TNR: variants seen among roughly 807,000 people sequenced by gnomAD.
TNR encodes tenascin-R.
Under a neutral mutation model 150.4 loss-of-function variants are expected in TNR, and 45 were observed. The observed-to-expected ratio is 0.30, with a 90% confidence interval of 0.24 to 0.38. The LOEUF is 0.38. Ranked by LOEUF, TNR falls within the 10% of genes least tolerant of loss-of-function variation. The pLI, the probability that TNR is intolerant of heterozygous loss-of-function variation, is 1.00. For synonymous variants in TNR, 687 were observed against 678.4 expected (o/e 1.01, Z -0.20); for missense variants, 1,544 against 1,759.1 (o/e 0.88, Z 2.19).
At chr1:175,390,916 A>G (rs1420466240) in intron 7 of TNR, among the ~76,000 whole-genome samples, 1 of 152,262 alleles carries the variant, frequency 6.6e-6, no homozygotes, top group Admixed American at 6.5e-5. Flanking sequence ...GGGAAGGTTC[A>G]GATGACTTTC....
intron 2 of TNR, among the ~76,000 whole-genome samples, chr1:175,443,343 T>C (rs1213442905): frequency 6.6e-6 from 1 of 152,206 alleles, no homozygotes; most frequent in Non-Finnish European, 1.5e-5. Flanking sequence ...AATGTCACTC[T>C]TACCTTGCAC....
chr1:175,339,405 T>C (rs1650407622), intron 18 of TNR, among the ~76,000 whole-genome samples: 1 of 152,212 alleles, frequency 6.6e-6, no homozygotes, highest in Non-Finnish European at 1.5e-5. Context: ...GCAGAAAAGC[T>C]AACTGTCATC....
chr1:175,715,333 ATG>A (rs1251558780), intron 1 of TNR, among the ~76,000 whole-genome samples: 1 of 152,144 alleles, frequency 6.6e-6, no homozygotes, highest in Non-Finnish European at 1.5e-5. Context: ...AAATGCTAAA[ATG>A]TTATTTTCCA....
chr1:175,699,327 A>G (rs1330132079), intron 1 of TNR, among the ~76,000 whole-genome samples: 1 of 152,210 alleles, frequency 6.6e-6, no homozygotes, highest in Non-Finnish European at 1.5e-5. Flanking sequence ...CAGGAAAGAT[A>G]GTGTGGCATT....
intron 2 of TNR, among the ~76,000 whole-genome samples, chr1:175,491,713 G>A (rs928300690): frequency 3.8e-5 from 5 of 133,320 alleles, no homozygotes; most frequent in African/African-American, 1.2e-4. Context: ...GCAGTGGCGT[G>A]ATCTCCGCTC....
chr1:175,513,205 C>T (rs534729817), intron 2 of TNR, among the ~76,000 whole-genome samples: 1 of 152,248 alleles, frequency 6.6e-6, no homozygotes, highest in Admixed American at 6.5e-5. Context: ...TCTCTGTCTT[C>T]CCCACTACAC....
intron 21 of TNR, among the ~76,000 whole-genome samples, chr1:175,327,880 G>T (rs538148770): frequency 6.6e-6 from 1 of 152,328 alleles, no homozygotes; most frequent in East Asian, 1.9e-4. Flanking sequence ...GGCCGAGGCA[G>T]GTGGATCACC....
chr1:175,524,420 T>C (rs553799911), intron 2 of TNR, among the ~76,000 whole-genome samples: 4 of 151,786 alleles, frequency 2.6e-5, no homozygotes, highest in East Asian at 2.0e-4. Flanking sequence ...GGAAAGCTTT[T>C]TGTTTGTTTG....
At chr1:175,325,764 A>T (rs1279859593) in intron 21 of TNR, among the ~76,000 whole-genome samples, 1 of 152,086 alleles carries the variant, frequency 6.6e-6, no homozygotes, top group African/African-American at 2.4e-5. Flanking sequence ...AAACTATCTC[A>T]AGGACAGAAA....
chr1:175,654,719 CTTTTTTTTTTTTTT>C lies in TNR; in HGVS notation c.-165+88493_-165+88506del, dbSNP rs36087120. On this transcript the variant is annotated intron_variant, in intron 1 of 22. Coordinates refer to ENST00000367674, the MANE Select transcript of TNR (RefSeq NM_003285.3). ...CACTATCTCCAACAAAAGTTCCCTT[CTTTTTTTTTTTTTT>C]TTTTTTTTTTGGAGACGGAGTCTCG... 5.4e-5 allele frequency among the ~76,000 whole-genome samples: 4 copies of C among 74,744 alleles called. No homozygotes were observed. In the East Asian group the frequency reaches 1.5e-3, roughly 28 times the overall value. 49.0% of individuals were successfully genotyped at this position (74,744 alleles called of 152,430 possible).
At chr1:175,411,504 A>G (rs912023028) in intron 2 of TNR, among the ~76,000 whole-genome samples, 1 of 151,952 alleles carries the variant, frequency 6.6e-6, no homozygotes, top group African/African-American at 2.4e-5. Flanking sequence ...GTCCAAAGTC[A>G]GGCATCAGCA....
At chr1:175,390,524 C>T (rs1344831914) in intron 7 of TNR, among the ~76,000 whole-genome samples, 1 of 152,180 alleles carries the variant, frequency 6.6e-6, no homozygotes, top group Non-Finnish European at 1.5e-5. Flanking sequence ...AGCTAATTTA[C>T]AGCATTGAAG....
intron 1 of TNR, among the ~76,000 whole-genome samples, chr1:175,530,476 A>G (rs143334975): frequency 5.8e-4 from 88 of 152,302 alleles, no homozygotes; most frequent in African/African-American, 2.0e-3. Context: ...TGCAAAATTG[A>G]GTGCCTCAGT....
chr1:175,466,091 C>T (rs1657022951), intron 2 of TNR, among the ~76,000 whole-genome samples: 1 of 152,184 alleles, frequency 6.6e-6, no homozygotes, highest in Non-Finnish European at 1.5e-5. Context: ...TGAGCTCCAT[C>T]ACCCTATGTA....
intron 2 of TNR, among the ~76,000 whole-genome samples, chr1:175,478,084 G>T (rs1220456655): frequency 6.6e-6 from 1 of 152,098 alleles, no homozygotes; most frequent in Admixed American, 6.5e-5. Context: ...AAATAGAGGG[G>T]CACACATTTT....
intron 2 of TNR, among the ~76,000 whole-genome samples, chr1:175,494,577 C>A (rs148615901): frequency 6.6e-6 from 1 of 152,310 alleles, no homozygotes; most frequent in African/African-American, 2.4e-5. Context: ...CTGAGCAGAC[C>A]TGTAGAACAA....
chr1:175,738,879 G>A (rs1232650923), intron 1 of TNR, among the ~76,000 whole-genome samples: 1 of 152,206 alleles, frequency 6.6e-6, no homozygotes, highest in African/African-American at 2.4e-5. Context: ...TAGTTAGGTA[G>A]GAAATCTCAT....
chr1:175,673,916 G>A (rs1427578272), intron 1 of TNR, among the ~76,000 whole-genome samples: 1 of 152,250 alleles, frequency 6.6e-6, no homozygotes, highest in Non-Finnish European at 1.5e-5. Flanking sequence ...GACTTGAAGT[G>A]GCTAAGTACA....
intron 1 of TNR, among the ~76,000 whole-genome samples, chr1:175,627,063 C>T (rs912979313): frequency 1.3e-5 from 2 of 152,174 alleles, no homozygotes; most frequent in African/African-American, 4.8e-5. Context: ...TTCTGGCCTC[C>T]AGAACTCTGA....
Sources: gnomAD v4.1 joint callset for allele counts (sites outside exome capture counted in the v4.1 genomes callset) on GRCh38, gnomAD v4.1.1 for gene constraint, MANE v1.5 for transcripts, NCBI Gene and HGNC (gene_info 2026-07-23, HGNC 2026-07-21) for gene names.